NME4: variants seen among roughly 807,000 people sequenced by gnomAD.
NME4 encodes NME/NM23 nucleoside diphosphate kinase 4.
A neutral mutation model predicts 16.4 loss-of-function variants in NME4; 21 were observed. The observed-to-expected ratio is 1.28, with a 90% CI of 0.91 to 1.84. The LOEUF (loss-of-function observed/expected upper bound fraction) is 1.84, where lower values mean the gene tolerates loss of function less well. Ranked by LOEUF, NME4 falls within the 40% of genes most tolerant of loss-of-function variation. NME4 has a pLI of 0.00. For missense variants in NME4, 316 were observed against 261.3 expected (o/e 1.21, Z -1.44); for synonymous variants, 132 against 107.5 (o/e 1.23, Z -1.41).
chr16:399,120 G>A lies in NME4; in HGVS notation c.222G>A (p.Leu74=), dbSNP rs1189725727. 1.9e-6 allele frequency: 3 copies of A among 1,594,750 alleles called. No homozygotes were observed. Among genetic ancestry groups the A allele is most frequent in the South Asian group, 1.1e-5 (1 of 89,626 alleles). Reference sequence around the variant, plus strand: ...TCACGCTGGTGGGGATGAAGATGCTGCAGGTAGTGGGACTCTGGGCTTGTG... The same window carrying A: ...TCACGCTGGTGGGGATGAAGATGCTACAGGTAGTGGGACTCTGGGCTTGTG... ...RGFTLVGMKM[L]QAPESVLAEH... Residue 74 remains leucine, a synonymous_variant, in exon 2 of 5, where the codon CTG becomes CTA. Coordinates refer to ENST00000219479, the MANE Select transcript of NME4 (RefSeq NM_005009.3).
chr16:399,066 C>G lies in NME4; in HGVS notation c.168C>G (p.Asp56Glu). 1.9e-6 allele frequency: 3 copies of G among 1,604,976 alleles called. No individual in the cohort carries two copies. Among genetic ancestry groups the G allele is most frequent in the Non-Finnish European group, 2.5e-6 (3 of 1,179,010 alleles). Residue 56 changes from aspartate (D) to glutamate (E), a missense_variant, in exon 2 of 5, where the codon GAC (aspartate) becomes GAG (glutamate). Physicochemically the swap from Asp to Glu is conservative, Grantham distance 45 (BLOSUM62 2). Coordinates refer to ENST00000219479, the MANE Select transcript of NME4 (RefSeq NM_005009.3). ...PDGVQRRLVGDVIQRFERRGF... is the reference protein window; with the variant it reads ...PDGVQRRLVGEVIQRFERRGF... ...GCGTGCAACGGCGGCTCGTTGGGGA[C>G]GTGATCCAGCGCTTTGAGAGGCGGG...
chr16:398,689 A>C, intron 1 of NME4: 1 of 486,706 alleles, frequency 2.1e-6, no homozygotes, highest in South Asian at 2.2e-5. Context: ...GTGGTCCCTG[A>C]GCTGGGCAGT....
Position 397,268 on chromosome 16 carries a change from G to C in NME4, c.46G>C (p.Gly16Arg). ...CTCCGCGCTGCGGGGGCTGCGCTGCGGCCCGCGGGCCCCGGGCCCGAGCCT... is the reference window on the plus strand; with the variant it reads ...CTCCGCGCTGCGGGGGCTGCGCTGCCGCCCGCGGGCCCCGGGCCCGAGCCT... ...WRSALRGLRC[G>R]PRAPGPSLLV... is the part of the protein sequence containing the mutation. Residue 16 changes from glycine to arginine, a missense_variant, in exon 1 of 5, where the codon GGC becomes CGC. By Grantham distance (125) the Gly-to-Arg change is moderately radical. Coordinates refer to ENST00000219479, the MANE Select transcript of NME4 (RefSeq NM_005009.3). 3 of 1,052,228 alleles carry C rather than the reference G, an allele frequency of 2.9e-6. No homozygotes were observed. Among genetic ancestry groups the C allele is most frequent in the Non-Finnish European group, 3.4e-6 (3 of 875,488 alleles). 65.2% of individuals were successfully genotyped at this position (1,052,228 alleles called of 1,614,324 possible). A position where few individuals can be genotyped will look rare whatever the true frequency, so the allele number is the denominator to read the frequency against.
chr16:400,334 C>T lies in NME4; in HGVS notation c.556C>T (p.Pro186Ser), dbSNP rs758493840. 1 of 1,602,328 alleles carries T rather than the reference C, an allele frequency of 6.2e-7. No individual in the cohort carries two copies. Among genetic ancestry groups the T allele is most frequent in the Non-Finnish European group, 8.5e-7 (1 of 1,178,132 alleles). Residue 186 changes from proline to serine, a missense_variant, in exon 5 of 5, where the codon CCA becomes TCA. Coordinates refer to ENST00000219479, the MANE Select transcript of NME4 (RefSeq NM_005009.3). ...CGGGGGCCAGCACAGCAGCATCCAC[C>T]CAGCCTGAGGCTCAAGCTGCCCTTA... is the stretch of plus-strand genomic sequence containing the variant. ...ADGGQHSSIH[P>S]A
Position 398,884 on chromosome 16 carries a change from C to A in NME4, c.92-106C>A, listed in dbSNP as rs968246838. 9 of 1,482,536 alleles carry A rather than the reference C, an allele frequency of 6.1e-6. No homozygotes were observed. The African/African-American group carries it at 6.9e-5, about 11-fold the overall frequency. The allele number at this position is 1,482,536 out of a possible 1,614,324, so 91.8% of individuals were successfully genotyped here. ...CCTTCCAGAGTGCCCTGCATAGAGG[C>A]AGACACCCTGAAGCCTGGTGACCCC... On this transcript the variant is annotated intron_variant, in intron 1 of 4. Transcript: ENST00000219479.
intron 1 of NME4, 127 bp from the exon 2 acceptor site, chr16:398,863 C>G: frequency 7.6e-7 from 1 of 1,308,486 alleles, no homozygotes; most frequent in Non-Finnish European, 1.1e-6. Flanking sequence ...CCTGTCCCTT[C>G]CAGAGTGCCC....
In NME4 at chr16:400,466, C is replaced by A; in HGVS notation, c.*124C>A. 7.9e-7 allele frequency: 1 copy of A among 1,268,588 alleles called. No homozygotes were observed. The highest frequency in any genetic ancestry group is 1.1e-6 in the Non-Finnish European group (1 of 945,010). The allele number at this position is 1,268,588 out of a possible 1,614,324, so 78.6% of individuals were successfully genotyped here. A position where few individuals can be genotyped will look rare whatever the true frequency, so the allele number is the denominator to read the frequency against. ...CTTACTTCCCTGTTCACCTCTGCCC[C>A]ACCCCAGCCCAGAGGAGTTTGAGCC... On this transcript the variant is annotated 3_prime_UTR_variant, in exon 5 of 5. Coordinates refer to ENST00000219479, the MANE Select transcript of NME4 (RefSeq NM_005009.3).
At position 399,609 on chromosome 16, in the gene NME4, C is replaced by T. The variant is rs1369158300; in HGVS notation, c.328-18C>T. ...TTGGTGTTCCCCACTTCTCCCCAAC[C>T]ATTATCTCTCGCTGCAGGTCTGGGA... On this transcript the variant is annotated intron_variant, in intron 3 of 4. Transcript: ENST00000219479. 2 of 1,610,616 alleles carry T rather than the reference C, an allele frequency of 1.2e-6. No homozygotes were observed. Among genetic ancestry groups the T allele is most frequent in the Admixed American group, 1.7e-5 (1 of 59,982 alleles).
At chr16:399,200 C>T in intron 2 of NME4, 77 bp downstream of exon 2, 2 of 1,576,690 alleles carry the variant, frequency 1.3e-6, no homozygotes, top group Non-Finnish European at 1.7e-6. Flanking sequence ...CACATCCCAG[C>T]CAGCGCCGGG....
rs139380705 is a variant in NME4 at position 400,244 on chromosome 16, G to C, written c.466G>C (p.Val156Leu). 6.2e-7 allele frequency: 1 copy of C among 1,604,614 alleles called. No homozygotes were observed. The highest frequency in any genetic ancestry group is 1.7e-5 in the Admixed American group (1 of 59,562). ...SRNVIHASDS[V>L]EGAQREIQLW... ...GAATGTCATCCACGCCAGCGACTCC[G>C]TGGAGGGGGCCCAGCGGGAGATCCA... The change falls in exon 5 of 5, where the codon GTG becomes CTG. Residue 156 changes from valine (V) to leucine (L), a missense_variant. Val to Leu is a conservative substitution (Grantham distance 32). Transcript: ENST00000219479.
In NME4 at chr16:399,620, G is replaced by C. The variant is rs777376591; in HGVS notation, c.328-7G>C. ...CACTTCTCCCCAACCATTATCTCTC[G>C]CTGCAGGTCTGGGAAGGGTACAATG... is the stretch of plus-strand genomic sequence containing the variant. On this transcript the variant is annotated splice_region_variant and splice_polypyrimidine_tract_variant and intron_variant, in intron 3 of 4. Coordinates refer to ENST00000219479, the MANE Select transcript of NME4 (RefSeq NM_005009.3). 5.5e-5 allele frequency: 88 copies of C among 1,612,264 alleles called. No homozygotes were observed. Among genetic ancestry groups the C allele is most frequent in the Non-Finnish European group, 7.1e-5 (84 of 1,179,228 alleles).
intron 1 of NME4, chr16:397,874 C>A: frequency 6.4e-7 from 1 of 1,554,712 alleles, no homozygotes; most frequent in Non-Finnish European, 8.7e-7. Context: ...CGATCCATGT[C>A]CCAGGGCTCC....
Position 397,326 on chromosome 16 carries a change from G to A in NME4, c.91+13G>A, listed in dbSNP as rs2054562712. On this transcript the variant is annotated intron_variant, in intron 1 of 4. Transcript: ENST00000219479. Reference sequence around the variant, plus strand: ...CGCCACGGCTCGGGTGAGTGGGGCCGCGCGCCCCGGCGGGGACGCGGAGGG... The same window carrying A: ...CGCCACGGCTCGGGTGAGTGGGGCCACGCGCCCCGGCGGGGACGCGGAGGG... The A allele has an allele frequency of 3.0e-6, 3 of 1,010,740 alleles. No individual in the cohort carries two copies. Among genetic ancestry groups the A allele is most frequent in the East Asian group, 6.9e-5 (1 of 14,398 alleles). 62.6% of individuals were successfully genotyped at this position (1,010,740 alleles called of 1,614,324 possible).
chr16:398,880 G>C, intron 1 of NME4, 110 bp from the exon 2 acceptor site: 2 of 1,462,168 alleles, frequency 1.4e-6, no homozygotes. Context: ...GCCCTGCATA[G>C]AGGCAGACAC....
chr16:398,435 A>T lies in NME4; in HGVS notation c.92-555A>T, dbSNP rs189497717. 1.1e-4 allele frequency: 130 copies of T among 1,194,744 alleles called. 1 individual carries two copies. In the East Asian group the frequency reaches 7.2e-3, roughly 66 times the overall value. The allele number at this position is 1,194,744 out of a possible 1,614,324, so 74.0% of individuals were successfully genotyped here. ...GTTCCCTGCCACTCATTCACCTCAGACACAGGGTGGGCTCTGGGTTCTTCC... is the reference window on the plus strand; with the variant it reads ...GTTCCCTGCCACTCATTCACCTCAGTCACAGGGTGGGCTCTGGGTTCTTCC... On this transcript the variant is annotated intron_variant, in intron 1 of 4. Coordinates refer to ENST00000219479, the MANE Select transcript of NME4 (RefSeq NM_005009.3).
At chr16:397,368 C>T (rs998544061) in intron 1 of NME4, 55 bp downstream of exon 1, 3 of 703,292 alleles carry the variant, frequency 4.3e-6, no homozygotes, top group Non-Finnish European at 3.6e-6. Flanking sequence ...GGGGCGCGCG[C>T]CGCTCGGCCT....
rs145944648 is a variant in NME4, at chr16:399,681, G to T, written c.382G>T (p.Asp128Tyr). 1.2e-6 allele frequency: 2 copies of T among 1,613,106 alleles called. No individual in the cohort carries two copies. Among genetic ancestry groups the T allele is most frequent in the Non-Finnish European group, 1.7e-6 (2 of 1,179,934 alleles). ...CTCGAGGGCCATGATTGGACACACC[G>T]ACTCGGCTGAGGCTGCCCCAGGAAC... ...RASRAMIGHT[D>Y]SAEAAPGTIR... The change falls in exon 4 of 5, where the codon GAC becomes TAC. Residue 128 changes from aspartate (D) to tyrosine (Y), a missense_variant. Asp to Tyr is a radical substitution (Grantham distance 160). Coordinates refer to ENST00000219479, the MANE Select transcript of NME4 (RefSeq NM_005009.3).
At chr16:398,315 G>C (rs928158122) in intron 1 of NME4, 1 of 1,330,426 alleles carries the variant, frequency 7.5e-7, no homozygotes, top group Non-Finnish European at 9.9e-7. Context: ...CTCCTGGCTC[G>C]GACAGAACCC....
chr16:399,345 G>C (rs763151), intron 2 of NME4, 34 bp from the exon 3 acceptor site: 672,078 of 1,598,892 alleles, frequency 0.42, 144,011 homozygotes, highest in African/African-American at 0.63. Context: ...CACGTTTACT[G>C]TCTGCGGCTC....
Sources: allele counts gnomAD v4.1 joint callset, GRCh38; gene constraint gnomAD v4.1.1; transcripts MANE v1.5; gene names NCBI Gene and HGNC (gene_info 2026-07-23, HGNC 2026-07-21).